Variants in MTUS2 observed in about 807,000 individuals in gnomAD.
The protein encoded by MTUS2 is microtubule associated scaffold protein 2, also known as microtubule-associated tumor suppressor candidate 2.
In MTUS2, 40 loss-of-function variants were observed where a neutral mutation model predicts 114.1. That is an observed-to-expected ratio of 0.35 (90% CI 0.27 to 0.46). The LOEUF is 0.46. MTUS2 is among the 20% of genes least tolerant of loss of function. MTUS2 has a pLI of 1.00. For synonymous variants in MTUS2, 688 were observed against 672.0 expected (o/e 1.02, Z -0.37); for missense variants, 1,679 against 1,705.4 (o/e 0.98, Z 0.27).
At chr13:29,251,691 G>A (rs930772345) in intron 5 of MTUS2, among the ~76,000 whole-genome samples, 1 of 152,188 alleles carries the variant, frequency 6.6e-6, no homozygotes, top group South Asian at 2.1e-4. Flanking sequence ...CCTATGAGTG[G>A]AATGATACAG....
At chr13:29,369,457 A>C (rs1871028501) in intron 8 of MTUS2, among the ~76,000 whole-genome samples, 1 of 152,180 alleles carries the variant, frequency 6.6e-6, no homozygotes, top group Non-Finnish European at 1.5e-5. Context: ...AGTCCTGCCT[A>C]TTCCACAAAC....
chr13:29,236,225 G>A (rs1001429107), intron 5 of MTUS2, among the ~76,000 whole-genome samples: 36 of 152,084 alleles, frequency 2.4e-4, no homozygotes, highest in South Asian at 1.2e-3. Context: ...TCTTTATAGC[G>A]TCTTCTGTTG....
At chr13:28,962,374 T>G (rs888314728) in intron 2 of MTUS2, among the ~76,000 whole-genome samples, 3 of 152,124 alleles carry the variant, frequency 2.0e-5, no homozygotes, top group Non-Finnish European at 4.4e-5. Flanking sequence ...TTTTAGAAAG[T>G]TCTTACTTTT....
chr13:29,075,082 C>T (rs542472862), intron 4 of MTUS2, among the ~76,000 whole-genome samples: 62 of 152,320 alleles, frequency 4.1e-4, no homozygotes, highest in African/African-American at 1.5e-3. Flanking sequence ...TTCTAGACAT[C>T]TTATATGATG....
chr13:29,232,994 A>G (rs1321796715), intron 5 of MTUS2, among the ~76,000 whole-genome samples: 1 of 152,228 alleles, frequency 6.6e-6, no homozygotes, highest in Non-Finnish European at 1.5e-5. Context: ...AAAAGAAAAC[A>G]AAAGGATTGG....
chr13:29,217,000 T>A (rs4769693), intron 5 of MTUS2, among the ~76,000 whole-genome samples: 1 of 151,986 alleles, frequency 6.6e-6, no homozygotes, highest in Non-Finnish European at 1.5e-5. Flanking sequence ...ACTACAAGCA[T>A]CCATGTTTCA....
chr13:29,309,901 C>G (rs1168453537), intron 6 of MTUS2, among the ~76,000 whole-genome samples: 2 of 152,022 alleles, frequency 1.3e-5, no homozygotes, highest in African/African-American at 4.8e-5. Flanking sequence ...AGCATTTATC[C>G]TTTCTTTATG....
intron 7 of MTUS2, among the ~76,000 whole-genome samples, chr13:29,345,674 G>A (rs567693192): frequency 3.9e-5 from 6 of 151,936 alleles, no homozygotes; most frequent in African/African-American, 1.5e-4. Flanking sequence ...TTTCTTCTTG[G>A]TTTGGCTCAA....
intron 4 of MTUS2, among the ~76,000 whole-genome samples, chr13:29,077,359 A>G (rs2138713905): frequency 6.6e-6 from 1 of 152,312 alleles, no homozygotes; most frequent in East Asian, 1.9e-4. Context: ...GTGAAAGGAG[A>G]AACTGTAAAA....
chr13:28,827,607 C>T (rs559422843), intron 1 of MTUS2, among the ~76,000 whole-genome samples: 2 of 152,208 alleles, frequency 1.3e-5, no homozygotes, highest in Admixed American at 1.3e-4. Context: ...AAATTCAGCC[C>T]CCAATATTTG....
intron 7 of MTUS2, among the ~76,000 whole-genome samples, chr13:29,346,237 A>T (rs1868666143): frequency 6.6e-6 from 1 of 152,112 alleles, no homozygotes; most frequent in Non-Finnish European, 1.5e-5. Flanking sequence ...TTGGTTTCTT[A>T]GGTGGTGGAC....
chr13:29,018,057 T>C (rs953217467), intron 2 of MTUS2, among the ~76,000 whole-genome samples: 2 of 152,120 alleles, frequency 1.3e-5, no homozygotes, highest in Non-Finnish European at 2.9e-5. Context: ...TCTACCTGTT[T>C]GGTGGGGGAA....
chr13:29,278,791 T>A (rs991874397), intron 5 of MTUS2, among the ~76,000 whole-genome samples: 11 of 152,242 alleles, frequency 7.2e-5, no homozygotes, highest in African/African-American at 2.7e-4. Flanking sequence ...CTCACCTTTT[T>A]GTATGTCTGA....
At chr13:28,960,056 T>C (rs190843361) in intron 2 of MTUS2, among the ~76,000 whole-genome samples, 54 of 152,318 alleles carry the variant, frequency 3.5e-4, no homozygotes, top group African/African-American at 1.3e-3. Context: ...GATACCGATA[T>C]TGAGGTGACA....
intron 2 of MTUS2, among the ~76,000 whole-genome samples, chr13:28,989,852 GTT>G (rs67968989): frequency 2.8e-5 from 4 of 143,678 alleles, no homozygotes; most frequent in Non-Finnish European, 4.6e-5. Flanking sequence ...GTTTTGTTTT[GTT>G]TTTTTTTTTT....
intron 5 of MTUS2, among the ~76,000 whole-genome samples, chr13:29,249,020 C>G (rs1897029170): frequency 6.6e-6 from 1 of 152,126 alleles, no homozygotes. Flanking sequence ...CAGAGTCTCG[C>G]TCTGTCACCC....
At chr13:29,174,623 T>C (rs1464490481) in intron 5 of MTUS2, among the ~76,000 whole-genome samples, 4 of 152,214 alleles carry the variant, frequency 2.6e-5, no homozygotes, top group Non-Finnish European at 5.9e-5. Context: ...AGTATGTTTT[T>C]CTCCATTGAT....
At chr13:28,903,395 T>A (rs1397569010) in intron 2 of MTUS2, among the ~76,000 whole-genome samples, 1 of 146,204 alleles carries the variant, frequency 6.8e-6, no homozygotes, top group East Asian at 2.1e-4. Context: ...GTATATCTCC[T>A]AATGCTATCC....
At chr13:29,419,302 A>G (rs1178703079) in intron 8 of MTUS2, among the ~76,000 whole-genome samples, 1 of 152,164 alleles carries the variant, frequency 6.6e-6, no homozygotes, top group Non-Finnish European at 1.5e-5. Context: ...CTTGCACAGC[A>G]TCTGCCTCAG....
Sources: gnomAD v4.1 joint callset for allele counts (sites outside exome capture counted in the v4.1 genomes callset) on GRCh38, gnomAD v4.1.1 for gene constraint, MANE v1.5 for transcripts, NCBI Gene and HGNC (gene_info 2026-07-23, HGNC 2026-07-21) for gene names.